Variants in ZNF140 observed in about 807,000 individuals in gnomAD.
ZNF140 encodes zinc finger protein 140 (clone pHZ-39).
A neutral mutation model predicts 12.9 loss-of-function variants in ZNF140; 13 were observed. The observed-to-expected ratio is 1.01, with a 90% CI of 0.66 to 1.60. ZNF140 has a LOEUF of 1.60. Among genes scored for constraint, ZNF140 ranks in the 40% most tolerant of loss-of-function variants. The probability of loss-of-function intolerance (pLI) is 0.00; values close to 1 mark genes in which losing one functional copy is unlikely to be tolerated. For synonymous variants in ZNF140, 214 were observed against 186.7 expected (o/e 1.15, Z -1.19); for missense variants, 531 against 548.8 (o/e 0.97, Z 0.32).
At chr12:133,104,383 G>A (rs1358461115) in intron 4 of ZNF140, among the ~76,000 whole-genome samples, 6 of 142,954 alleles carry the variant, frequency 4.2e-5, no homozygotes, top group Non-Finnish European at 7.5e-5. Context: ...ACAGACTCTC[G>A]CTCTGTCACC....
At chr12:133,105,002 G>A (rs1419817635) in intron 4 of ZNF140, among the ~76,000 whole-genome samples, 3 of 152,076 alleles carry the variant, frequency 2.0e-5, no homozygotes, top group African/African-American at 7.2e-5. Flanking sequence ...CCAAATATGA[G>A]CTTCATACTA....
intron 4 of ZNF140, among the ~76,000 whole-genome samples, chr12:133,105,208 C>T (rs907231720): frequency 1.1e-4 from 17 of 152,182 alleles, no homozygotes; most frequent in Non-Finnish European, 2.2e-4. Flanking sequence ...CAGTAAATAC[C>T]GTTTAAATGG....
chr12:133,081,523 G>GT (rs1269045218), intron 2 of ZNF140, 194 bp downstream of exon 2: 17 of 457,808 alleles, frequency 3.7e-5, no homozygotes, highest in Middle Eastern at 3.4e-4. Flanking sequence ...GTGCAGCCGT[G>GT]TTTTTCAGGA....
chr12:133,099,926 C>T (rs1422446178), intron 4 of ZNF140, among the ~76,000 whole-genome samples: 12 of 151,234 alleles, frequency 7.9e-5, no homozygotes, highest in African/African-American at 2.9e-4. Context: ...GAATTGTGGG[C>T]TTGAGAGTTT....
chr12:133,080,903 C>G (rs1026398975), upstream of ZNF140: 1 of 153,022 alleles, frequency 6.5e-6, no homozygotes, highest in Non-Finnish European at 1.5e-5. Flanking sequence ...GCGGAGGGGC[C>G]CTGGGGGGCG....
rs1259156806 is a variant in ZNF140 at position 133,096,068 on chromosome 12, G to A, written c.233-9442G>A. Among the ~76,000 whole-genome samples the A allele has an allele frequency of 7.0e-4, 106 of 150,774 alleles. 1 individual carries two copies. The highest frequency in any genetic ancestry group is 1.9e-3 in the East Asian group (10 of 5,152). On this transcript the variant is annotated intron_variant, in intron 4 of 4. Transcript: ENST00000355557. ...CTTTATGGGTGTCGGGCTGGGGGAT[G>A]GTCAGGTCTTTCTCATCCCACGAGG...
chr12:133,080,606 T>C (rs1229059872), upstream of ZNF140: 1 of 152,448 alleles, frequency 6.6e-6, no homozygotes, highest in East Asian at 1.9e-4. Flanking sequence ...TGTAGTTGCC[T>C]AGGACCCGGG....
At chr12:133,088,807 G>A (rs1954765440) in intron 4 of ZNF140, among the ~76,000 whole-genome samples, 1 of 151,038 alleles carries the variant, frequency 6.6e-6, no homozygotes, top group Non-Finnish European at 1.5e-5. Flanking sequence ...TGCTTCTATT[G>A]ATATTATGTG....
At chr12:133,081,373 A>AT (rs1449954033) in intron 2 of ZNF140, 44 bp downstream of exon 2, 2,722 of 228,496 alleles carry the variant, frequency 0.012, 163 homozygotes, top group Middle Eastern at 0.044. Flanking sequence ...ATATATATAA[A>AT]TTTTTATTTT....
At chr12:133,105,487 A>AT in intron 4 of ZNF140, 23 bp from the exon 5 acceptor site, 1 of 1,442,772 alleles carries the variant, frequency 6.9e-7, no homozygotes, top group Non-Finnish European at 9.5e-7. Flanking sequence ...AGAAACATTC[A>AT]CTTTTTTTTT....
chr12:133,087,295 C>A (rs1954706206), intron 4 of ZNF140, among the ~76,000 whole-genome samples: 1 of 149,702 alleles, frequency 6.7e-6, no homozygotes, highest in Non-Finnish European at 1.5e-5. Flanking sequence ...ATGATTGTTT[C>A]CTTAGTTAAA....
At chr12:133,095,978 G>A (rs1043195381) in intron 4 of ZNF140, among the ~76,000 whole-genome samples, 1 of 151,282 alleles carries the variant, frequency 6.6e-6, no homozygotes, top group Non-Finnish European at 1.5e-5. Flanking sequence ...GCAGGAGACA[G>A]TGGCCTTCCT....
At chr12:133,095,772 G>A (rs760057870) in intron 4 of ZNF140, among the ~76,000 whole-genome samples, 70 of 150,608 alleles carry the variant, frequency 4.6e-4, no homozygotes, top group Middle Eastern at 3.4e-3. Context: ...TTAAGGGAAG[G>A]TACTATGCCT....
intron 4 of ZNF140, among the ~76,000 whole-genome samples, chr12:133,099,585 G>C (rs1220546730): frequency 6.6e-6 from 1 of 152,198 alleles, no homozygotes; most frequent in Non-Finnish European, 1.5e-5. Flanking sequence ...TACTTTGGGA[G>C]GCTTGGGTGG....
Position 133,106,472 on chromosome 12 carries a change from T to C in ZNF140, c.1195T>C (p.Ser399Pro). The change falls in exon 5 of 5, where the codon TCC becomes CCC. Residue 399 changes from serine (S) to proline (P), a missense_variant. Physicochemically the swap from Ser to Pro is moderately conservative, Grantham distance 74. Coordinates refer to ENST00000355557, the MANE Select transcript of ZNF140 (RefSeq NM_003440.4). ...ECDKAFSRSF[S>P]LILHQRTHTG... ...TGATAAAGCCTTCAGCCGGAGCTTT[T>C]CCCTCATTCTACATCAGAGAACTCA... 1 of 1,614,052 alleles carries C rather than the reference T, an allele frequency of 6.2e-7. No homozygotes were observed. Among genetic ancestry groups the C allele is most frequent in the Non-Finnish European group, 8.5e-7 (1 of 1,179,988 alleles).
chr12:133,104,499 ATG>A (rs1955499063), intron 4 of ZNF140, among the ~76,000 whole-genome samples: 11 of 151,646 alleles, frequency 7.3e-5, no homozygotes, highest in African/African-American at 1.2e-4. Flanking sequence ...CTACAGGTGC[ATG>A]CCATCACGCC....
chr12:133,090,575 T>C (rs1954821047), intron 4 of ZNF140, among the ~76,000 whole-genome samples: 2 of 152,094 alleles, frequency 1.3e-5, no homozygotes, highest in Non-Finnish European at 2.9e-5. Context: ...TGGGTATTTC[T>C]AGTCGGGTGG....
At chr12:133,100,345 T>A (rs907381385) in intron 4 of ZNF140, among the ~76,000 whole-genome samples, 57 of 151,958 alleles carry the variant, frequency 3.8e-4, no homozygotes, top group Middle Eastern at 3.4e-3. Context: ...TTTAAAAAAA[T>A]TTTTTTAGAG....
At chr12:133,092,437 A>AT (rs1954926614) in intron 4 of ZNF140, among the ~76,000 whole-genome samples, 1 of 151,254 alleles carries the variant, frequency 6.6e-6, no homozygotes, top group Admixed American at 6.6e-5. Context: ...CAACTAGCAT[A>AT]TAAGGGGGTT....
Sources: allele counts gnomAD v4.1 joint callset (sites outside exome capture counted in the v4.1 genomes callset), GRCh38; gene constraint gnomAD v4.1.1; transcripts MANE v1.5; gene names NCBI Gene and HGNC (gene_info 2026-07-23, HGNC 2026-07-21).